CADM1: variants seen among roughly 807,000 people sequenced by gnomAD.
The protein encoded by CADM1 is TSLC-1.
Under a neutral mutation model 53.1 loss-of-function variants are expected in CADM1, and 15 were observed. The ratio of observed to expected loss-of-function variants is 0.28; its 90% CI spans 0.19 to 0.44. CADM1 has a LOEUF of 0.44. Among genes scored for constraint, CADM1 ranks in the 20% least tolerant of loss-of-function variants. The probability of loss-of-function intolerance (pLI) is 1.00; values close to 1 mark genes in which losing one functional copy is unlikely to be tolerated. For synonymous variants in CADM1, 281 were observed against 243.0 expected, an observed-to-expected ratio of 1.16 and a Z score of -1.45; for missense variants, 434 against 611.3, an observed-to-expected ratio of 0.71 and a Z score of 3.06.
rs143720933 is a variant in CADM1, at chr11:115,332,387, T to C, written c.125-91967A>G. On this transcript the variant is annotated intron_variant, in intron 1 of 11. Coordinates refer to ENST00000331581, the MANE Select transcript of CADM1 (RefSeq NM_001301043.2). The stretch of plus-strand genomic sequence containing the variant: ...GTGGCATGTGTGTGCACAGCCAAAG[T>C]GAAATGAAGATGAAGGTCATTTTAG... Among the ~76,000 whole-genome samples, 862 of 152,258 alleles carry C rather than the reference T, an allele frequency of 5.7e-3. 10 individuals are homozygous for C. The highest frequency in any genetic ancestry group is 0.019 in the African/African-American group (796 of 41,550).
At chr11:115,323,163 G>A (rs1944867714) in intron 1 of CADM1, among the ~76,000 whole-genome samples, 1 of 152,110 alleles carries the variant, frequency 6.6e-6, no homozygotes, top group African/African-American at 2.4e-5. Flanking sequence ...CTGTGGTTTT[G>A]ATTTGCATTT....
intron 10 of CADM1, among the ~76,000 whole-genome samples, chr11:115,184,571 C>T (rs1318941172): frequency 6.6e-6 from 1 of 152,160 alleles, no homozygotes; most frequent in East Asian, 1.9e-4. Flanking sequence ...TGCAGCATAA[C>T]CTTTCTTTTC....
intron 1 of CADM1, among the ~76,000 whole-genome samples, chr11:115,333,804 G>C (rs1209674214): frequency 6.6e-6 from 1 of 152,142 alleles, no homozygotes; most frequent in Non-Finnish European, 1.5e-5. Flanking sequence ...TAGTACAGTA[G>C]TTAGCGTATA....
chr11:115,450,818 C>T (rs942095964), intron 1 of CADM1, among the ~76,000 whole-genome samples: 1 of 152,194 alleles, frequency 6.6e-6, no homozygotes, highest in Non-Finnish European at 1.5e-5. Context: ...CTTTCAAATG[C>T]TCCTTACGTT....
chr11:115,281,884 T>G (rs1943595163), intron 1 of CADM1, among the ~76,000 whole-genome samples: 1 of 151,982 alleles, frequency 6.6e-6, no homozygotes, highest in Non-Finnish European at 1.5e-5. Flanking sequence ...AAGAACACCA[T>G]GTCACTGACA....
At chr11:115,436,944 C>T (rs558944136) in intron 1 of CADM1, among the ~76,000 whole-genome samples, 7 of 152,146 alleles carry the variant, frequency 4.6e-5, no homozygotes, top group African/African-American at 1.7e-4. Flanking sequence ...ATGAAGCTGA[C>T]AAGAGTAAAG....
intron 1 of CADM1, among the ~76,000 whole-genome samples, chr11:115,241,357 T>C (rs1225747505): frequency 6.6e-6 from 1 of 152,238 alleles, no homozygotes; most frequent in African/African-American, 2.4e-5. Flanking sequence ...CAGAAGTATA[T>C]GTTGTCCTAG....
chr11:115,227,873 T>C (rs1366364452), intron 5 of CADM1, among the ~76,000 whole-genome samples: 1 of 152,136 alleles, frequency 6.6e-6, no homozygotes, highest in East Asian at 1.9e-4. Context: ...TTGTATGGAG[T>C]TGAATGGTGG....
At chr11:115,393,704 A>G (rs1754237657) in intron 1 of CADM1, among the ~76,000 whole-genome samples, 1 of 152,140 alleles carries the variant, frequency 6.6e-6, no homozygotes, top group Non-Finnish European at 1.5e-5. Context: ...TTAAAATTCA[A>G]TCTGAAATTT....
chr11:115,386,054 T>C (rs1047162999), intron 1 of CADM1, among the ~76,000 whole-genome samples: 1 of 152,248 alleles, frequency 6.6e-6, no homozygotes, highest in Admixed American at 6.5e-5. Flanking sequence ...GAAGCAATTT[T>C]GAAGTTTGTT....
At chr11:115,471,893 T>C (rs1455313883) in intron 1 of CADM1, among the ~76,000 whole-genome samples, 1 of 152,120 alleles carries the variant, frequency 6.6e-6, no homozygotes, top group Non-Finnish European at 1.5e-5. Context: ...GGGTTGGGCA[T>C]GCAAAGAGTT....
At chr11:115,241,933 G>A (rs1189015408) in intron 1 of CADM1, among the ~76,000 whole-genome samples, 1 of 150,140 alleles carries the variant, frequency 6.7e-6, no homozygotes, top group Non-Finnish European at 1.5e-5. Context: ...TAAATGGAAG[G>A]TTTCTACCTG....
intron 1 of CADM1, among the ~76,000 whole-genome samples, chr11:115,321,692 G>A (rs1944828688): frequency 6.6e-6 from 1 of 152,110 alleles, no homozygotes; most frequent in African/African-American, 2.4e-5. Flanking sequence ...GTGGAGTTCA[G>A]GTCCTTTTCT....
intron 10 of CADM1, 100 bp from the exon 11 acceptor site, chr11:115,178,875 T>C: frequency 8.6e-6 from 11 of 1,285,516 alleles, no homozygotes; most frequent in Non-Finnish European, 1.2e-5. Flanking sequence ...CCTTCTTTTT[T>C]AATGGAGGAG....
chr11:115,472,379 C>G (rs1949034497), intron 1 of CADM1, among the ~76,000 whole-genome samples: 1 of 152,094 alleles, frequency 6.6e-6, no homozygotes, highest in Admixed American at 6.5e-5. Flanking sequence ...GAAGGAAGAG[C>G]ATATATTAGA....
At chr11:115,433,393 AAAGTC>A (rs1269715216) in intron 1 of CADM1, among the ~76,000 whole-genome samples, 6 of 152,196 alleles carry the variant, frequency 3.9e-5, no homozygotes, top group Non-Finnish European at 8.8e-5. Context: ...AAGGGAGCTC[AAAGTC>A]AATAAGCCTC....
chr11:115,213,465 T>A (rs1328780661), intron 7 of CADM1, among the ~76,000 whole-genome samples: 1 of 141,520 alleles, frequency 7.1e-6, no homozygotes, highest in Non-Finnish European at 1.5e-5. Context: ...TTAGATGTGA[T>A]CTTTTAATTT....
rs372375452 is a variant in CADM1, at chr11:115,229,202, T to C, written c.632A>G (p.Lys211Arg). The change falls in exon 5 of 12, where the codon AAG becomes AGG. Residue 211 changes from lysine (K) to arginine (R), a missense_variant. Coordinates refer to ENST00000331581, the MANE Select transcript of CADM1 (RefSeq NM_001301043.2). ...GATCACTGGGACCCCATCGTCCTCCTTGTGCACCTTCAGCATCAGCTGACT... is the reference window on the plus strand; with the variant it reads ...GATCACTGGGACCCCATCGTCCTCCCTGTGCACCTTCAGCATCAGCTGACT... ...VTSQLMLKVHKEDDGVPVICQ... is the reference protein window; with the variant it reads ...VTSQLMLKVHREDDGVPVICQ... 52 of 1,614,170 alleles carry C rather than the reference T, an allele frequency of 3.2e-5. No homozygotes were observed. Among genetic ancestry groups the C allele is most frequent in the Non-Finnish European group, 4.2e-5 (49 of 1,180,008 alleles).
At chr11:115,288,968 C>T (rs1301897190) in intron 1 of CADM1, among the ~76,000 whole-genome samples, 3 of 152,158 alleles carry the variant, frequency 2.0e-5, no homozygotes, top group Non-Finnish European at 4.4e-5. Context: ...AAACCTCACA[C>T]TACCCCCAGG....
Sources: allele counts gnomAD v4.1 joint callset (sites outside exome capture counted in the v4.1 genomes callset), GRCh38; gene constraint gnomAD v4.1.1; transcripts MANE v1.5; gene names NCBI Gene and HGNC (gene_info 2026-07-23, HGNC 2026-07-21).